LGR4: variants seen among roughly 807,000 people sequenced by gnomAD.
LGR4 encodes leucine-rich repeat-containing G protein-coupled receptor 4.
A neutral mutation model predicts 84.8 loss-of-function variants in LGR4; 44 were observed. That is an observed-to-expected ratio of 0.52 (90% CI 0.41 to 0.67). LGR4 has a LOEUF of 0.67. Ranked by LOEUF, LGR4 falls within the 30% of genes least tolerant of loss-of-function variation. The probability of loss-of-function intolerance (pLI) is 0.00; values close to 1 mark genes in which losing one functional copy is unlikely to be tolerated. For synonymous variants in LGR4, 429 were observed against 434.3 expected, an observed-to-expected ratio of 0.99 and a Z score of 0.15; for missense variants, 1,032 against 1,131.4, an observed-to-expected ratio of 0.91 and a Z score of 1.26.
chr11:27,381,082 A>G, intron 7 of LGR4, 116 bp from the exon 8 acceptor site: 1 of 566,884 alleles, frequency 1.8e-6, no homozygotes, highest in Admixed American at 3.1e-5. Flanking sequence ...CTACATGAAA[A>G]TTTTCAAAAG....
chr11:27,409,804 G>T (rs1434371145), intron 2 of LGR4, among the ~76,000 whole-genome samples: 1 of 152,012 alleles, frequency 6.6e-6, no homozygotes, highest in African/African-American at 2.4e-5. Context: ...CCCTCATTTG[G>T]TTAATTCCTA....
intron 1 of LGR4, among the ~76,000 whole-genome samples, chr11:27,465,577 T>C (rs1332957183): frequency 2.0e-5 from 3 of 152,222 alleles, no homozygotes; most frequent in African/African-American, 7.2e-5. Flanking sequence ...ACTCAGAGTA[T>C]ACTAGCACAC....
At chr11:27,400,791 C>T (rs1489171268) in intron 2 of LGR4, among the ~76,000 whole-genome samples, 1 of 152,194 alleles carries the variant, frequency 6.6e-6, no homozygotes, top group Non-Finnish European at 1.5e-5. Flanking sequence ...GCCACCGCGC[C>T]TGGCCTGTTT....
At position 27,382,225 on chromosome 11, in the gene LGR4, G is replaced by T; in HGVS notation, c.721C>A (p.Pro241Thr). ...DLNYNNLGEF[P>T]QAIKALPSLK... ...CTAGGAAGGGCTTTAATAGCCTGAG[G>T]AAATTCCCCCAAGTTATTATAATTC... The change falls in exon 7 of 18, where the codon CCT (proline) becomes ACT (threonine). Residue 241 changes from proline to threonine, a missense_variant. By Grantham distance (38) the Pro-to-Thr change is conservative. Coordinates refer to ENST00000379214, the MANE Select transcript of LGR4 (RefSeq NM_018490.5). 6.2e-7 allele frequency: 1 copy of T among 1,609,464 alleles called. No homozygotes were observed. The highest frequency in any genetic ancestry group is 1.3e-5 in the African/African-American group (1 of 74,930).
At chr11:27,397,398 C>T (rs569248445) in intron 2 of LGR4, among the ~76,000 whole-genome samples, 1 of 152,286 alleles carries the variant, frequency 6.6e-6, no homozygotes, top group South Asian at 2.1e-4. Flanking sequence ...ATATGTCCCT[C>T]ATGAGCAGGG....
At chr11:27,457,272 T>TA (rs1411425462) in intron 1 of LGR4, among the ~76,000 whole-genome samples, 3 of 152,182 alleles carry the variant, frequency 2.0e-5, no homozygotes, top group East Asian at 1.9e-4. Flanking sequence ...ATCCATTTTT[T>TA]AAAAAAATCA....
At chr11:27,439,226 C>G (rs557854446) in intron 1 of LGR4, among the ~76,000 whole-genome samples, 2 of 152,260 alleles carry the variant, frequency 1.3e-5, no homozygotes, top group South Asian at 4.2e-4. Flanking sequence ...CCCTATTCCC[C>G]ACTCCCCCTA....
intron 10 of LGR4, chr11:27,379,196 T>C (rs541856555): frequency 5.6e-6 from 1 of 178,688 alleles, no homozygotes; most frequent in African/African-American, 2.4e-5. Flanking sequence ...TTCCCCTCCC[T>C]TCTGTAGTCT....
At chr11:27,470,912 G>T (rs932051276) in intron 1 of LGR4, among the ~76,000 whole-genome samples, 1 of 151,874 alleles carries the variant, frequency 6.6e-6, no homozygotes, top group Non-Finnish European at 1.5e-5. Flanking sequence ...CAATGCTCCT[G>T]CCTGCATAAA....
intron 1 of LGR4, among the ~76,000 whole-genome samples, chr11:27,469,235 G>A (rs112134308): frequency 3.3e-5 from 5 of 152,112 alleles, no homozygotes; most frequent in Non-Finnish European, 5.9e-5. Flanking sequence ...CCCAGACTCC[G>A]GTAAAGCGGC....
chr11:27,384,157 C>A, intron 6 of LGR4, 179 bp downstream of exon 6: 1 of 505,408 alleles, frequency 2.0e-6, no homozygotes, highest in Non-Finnish European at 3.5e-6. Context: ...CATTTTTAGC[C>A]ATGGACTTAG....
At chr11:27,426,941 A>G (rs1436348982) in intron 1 of LGR4, among the ~76,000 whole-genome samples, 2 of 152,222 alleles carry the variant, frequency 1.3e-5, no homozygotes, top group South Asian at 2.1e-4. Flanking sequence ...TGCTTAGACT[A>G]TGAGGTTAAT....
chr11:27,427,458 G>A (rs528603181), intron 1 of LGR4, among the ~76,000 whole-genome samples: 1 of 152,240 alleles, frequency 6.6e-6, no homozygotes, highest in Non-Finnish European at 1.5e-5. Flanking sequence ...GCAGCACATT[G>A]GCAGGTACAG....
In LGR4 at chr11:27,368,623, T is replaced by C. The variant is rs1247670015; in HGVS notation, c.2100A>G (p.Glu700=). 1 of 1,613,918 alleles carries C rather than the reference T, an allele frequency of 6.2e-7. No individual in the cohort carries two copies. The highest frequency in any genetic ancestry group is 2.2e-5 in the East Asian group (1 of 44,876). Residue 700 remains glutamate (E), a synonymous_variant, in exon 18 of 18, where the codon GAA becomes GAG. Coordinates refer to ENST00000379214, the MANE Select transcript of LGR4 (RefSeq NM_018490.5). ...SPLCLPFPTG[E]TPSLGFTVTL... is the part of the protein sequence containing the mutation. ...TTACAGTGAATCCTAATGATGGCGTTTCACCTGTAGGAAATGGCAAACAAA... is the reference window on the plus strand; with the variant it reads ...TTACAGTGAATCCTAATGATGGCGTCTCACCTGTAGGAAATGGCAAACAAA...
At chr11:27,373,473 G>C (rs2133362644) in intron 15 of LGR4, 78 bp downstream of exon 15, 1 of 1,366,160 alleles carries the variant, frequency 7.3e-7, no homozygotes, top group Non-Finnish European at 9.8e-7. Context: ...CTGAGAACCA[G>C]AGCAAAAAAC....
In LGR4 at chr11:27,368,048, G is replaced by T. The variant is rs1484489486; in HGVS notation, c.2675C>A (p.Pro892His). Residue 892 changes from proline (P) to histidine (H), a missense_variant, in exon 18 of 18, where the codon CCT becomes CAT. Physicochemically the swap from Pro to His is moderately conservative, Grantham distance 77 (BLOSUM62 -2). Transcript: ENST00000379214. Reference sequence around the variant, plus strand: ...GCCACAGTCGGACCAGTAGCCCTCAGGTCTTTGGCAAGAAGCCACTGCCAA... The same window carrying T: ...GCCACAGTCGGACCAGTAGCCCTCATGTCTTTGGCAAGAAGCCACTGCCAA... ...PALAVASCQR[P>H]EGYWSDCGTQ... 2 of 1,587,718 alleles carry T rather than the reference G, an allele frequency of 1.3e-6. No individual in the cohort carries two copies. The highest frequency in any genetic ancestry group is 1.7e-5 in the Admixed American group (1 of 59,148).
At position 27,385,531 on chromosome 11, in the gene LGR4, C is replaced by G. The variant is rs538059455; in HGVS notation, c.402-63G>C. ...TCTAGTGAAATGAGTCAGTTCAAGTCTCACAACTCAAAGCTTTCAAAACAA... is the reference window on the plus strand; with the variant it reads ...TCTAGTGAAATGAGTCAGTTCAAGTGTCACAACTCAAAGCTTTCAAAACAA... On this transcript the variant is annotated intron_variant, in intron 4 of 17. Coordinates refer to ENST00000379214, the MANE Select transcript of LGR4 (RefSeq NM_018490.5). 38 of 1,034,554 alleles carry G rather than the reference C, an allele frequency of 3.7e-5. No individual in the cohort carries two copies. In the East Asian group the frequency reaches 5.3e-4, roughly 14 times the overall value. The allele number at this position is 1,034,554 out of a possible 1,614,324, so 64.1% of individuals were successfully genotyped here.
Position 27,467,851 on chromosome 11 carries a change from G to A in LGR4, c.185+4267C>T, listed in dbSNP as rs187341010. ...CTATACTTAAAGATATTCATACATCGTTCTTGTTTTGAACAAAGTTCACTT... is the reference window on the plus strand; with the variant it reads ...CTATACTTAAAGATATTCATACATCATTCTTGTTTTGAACAAAGTTCACTT... On this transcript the variant is annotated intron_variant, in intron 1 of 17. Transcript: ENST00000379214. 4.9e-3 allele frequency among the ~76,000 whole-genome samples: 745 copies of A among 152,196 alleles called. 3 individuals are homozygous for A. Among genetic ancestry groups the A allele is most frequent in the African/African-American group, 0.017 (706 of 41,512 alleles).
intron 2 of LGR4, among the ~76,000 whole-genome samples, chr11:27,407,830 C>G (rs1187832012): frequency 1.3e-5 from 2 of 151,954 alleles, no homozygotes; most frequent in African/African-American, 4.8e-5. Flanking sequence ...GGACTACACA[C>G]TGCAATATTT....
Sources: allele counts gnomAD v4.1 joint callset (sites outside exome capture counted in the v4.1 genomes callset), GRCh38; gene constraint gnomAD v4.1.1; transcripts MANE v1.5; gene names NCBI Gene and HGNC (gene_info 2026-07-23, HGNC 2026-07-21).